Variants in PCDH15 observed in about 807,000 individuals in gnomAD.
PCDH15 encodes the protein protocadherin related 15.
Under a neutral mutation model 178.5 loss-of-function variants are expected in PCDH15, and 129 were observed. The ratio of observed to expected loss-of-function variants is 0.72; its 90% CI spans 0.63 to 0.84. PCDH15 has a LOEUF of 0.84. Ranked by LOEUF, PCDH15 falls within the 40% of genes least tolerant of loss-of-function variation. The pLI is 0.00. For missense variants in PCDH15, 2,230 were observed against 2,099.9 expected (o/e 1.06, Z -1.21); for synonymous variants, 800 against 732.0 (o/e 1.09, Z -1.50).
chr10:54,253,591 A>C lies in PCDH15; in HGVS notation c.877-16660T>G, dbSNP rs551229726. On this transcript the variant is annotated intron_variant, in intron 8 of 37. Coordinates refer to ENST00000644397, the MANE Select transcript of PCDH15 (RefSeq NM_001384140.1). ...GTTTCATTTACAGAACAAATTCTGA[A>C]CTTTGTCTCTGATATAAATTATGTT... Among the ~76,000 whole-genome samples the C allele has an allele frequency of 2.3e-3, 347 of 152,246 alleles. 1 individual carries two copies. The highest frequency in any genetic ancestry group is 8.1e-3 in the African/African-American group (337 of 41,590).
intron 6 of PCDH15, among the ~76,000 whole-genome samples, chr10:54,339,278 G>T (rs2891518): frequency 0.07 from 10,712 of 152,052 alleles, 487 homozygotes; most frequent in African/African-American, 0.12. Context: ...GTGGCTCAGG[G>T]AAGCCAAAAG....
chr10:55,556,170 T>C (rs1842087772), intron 2 of PCDH15, among the ~76,000 whole-genome samples: 1 of 152,144 alleles, frequency 6.6e-6, no homozygotes, highest in South Asian at 2.1e-4. Flanking sequence ...CTAGTGGTGT[T>C]TATAATTACA....
At chr10:55,355,259 G>T (rs1845046145) in intron 2 of PCDH15, among the ~76,000 whole-genome samples, 2 of 151,970 alleles carry the variant, frequency 1.3e-5, no homozygotes, top group African/African-American at 4.8e-5. Flanking sequence ...CATTTCTCTA[G>T]ATAAAGTAAA....
chr10:55,521,987 CA>C (rs1490208723), intron 2 of PCDH15, among the ~76,000 whole-genome samples: 1 of 151,876 alleles, frequency 6.6e-6, no homozygotes, highest in Non-Finnish European at 1.5e-5. Context: ...CTACTGAATG[CA>C]TATTGAATTC....
At chr10:54,812,525 C>A (rs1308414385) in intron 3 of PCDH15, among the ~76,000 whole-genome samples, 1 of 152,078 alleles carries the variant, frequency 6.6e-6, no homozygotes, top group Non-Finnish European at 1.5e-5. Flanking sequence ...GTGGCGCGAT[C>A]TCAGCTCACT....
chr10:54,240,693 G>A (rs1214088402), intron 8 of PCDH15, among the ~76,000 whole-genome samples: 5 of 141,236 alleles, frequency 3.5e-5, no homozygotes, highest in Admixed American at 1.5e-4. Flanking sequence ...GTGCAGTGGC[G>A]CGATCCCGGC....
At chr10:55,600,435 G>A (rs1450977288) in intron 2 of PCDH15, among the ~76,000 whole-genome samples, 4 of 151,904 alleles carry the variant, frequency 2.6e-5, no homozygotes, top group Admixed American at 1.3e-4. Context: ...AACTAAGACC[G>A]CACTAGTGTA....
intron 2 of PCDH15, among the ~76,000 whole-genome samples, chr10:55,553,208 T>TA (rs777507518): frequency 0.058 from 8,025 of 138,230 alleles, 272 homozygotes; most frequent in Middle Eastern, 0.14. Context: ...GCTAGGTTAA[T>TA]AAAAAAAAAA....
intron 2 of PCDH15, among the ~76,000 whole-genome samples, chr10:54,966,072 C>G (rs1838780654): frequency 6.6e-6 from 1 of 151,710 alleles, no homozygotes; most frequent in Non-Finnish European, 1.5e-5. Flanking sequence ...ATATAAATCA[C>G]TAATCATACA....
chr10:55,535,189 A>G, intron 2 of PCDH15, among the ~76,000 whole-genome samples: 1 of 152,118 alleles, frequency 6.6e-6, no homozygotes, highest in Non-Finnish European at 1.5e-5. Context: ...AATTTTGAAA[A>G]AAATAAAATA....
rs536181801 is a variant in PCDH15, at chr10:54,059,475, A to G, written c.2220+7282T>C. Among the ~76,000 whole-genome samples, 47 of 152,282 alleles carry G rather than the reference A, an allele frequency of 3.1e-4. No homozygotes were observed. The South Asian group carries it at 4.4e-3, about 14-fold the overall frequency. On this transcript the variant is annotated intron_variant, in intron 18 of 37. Transcript: ENST00000644397. ...TTTTATATTTTTCCTCTAACACATA[A>G]TATTTCTTTATCTCCCTTTTCCTTT...
intron 23 of PCDH15, 77 bp downstream of exon 23, chr10:53,959,655 T>C (rs558706621): frequency 1.4e-5 from 15 of 1,077,636 alleles, no homozygotes; most frequent in Admixed American, 1.4e-4. Flanking sequence ...AAATTCATAT[T>C]ACATCAATTT....
intron 3 of PCDH15, among the ~76,000 whole-genome samples, chr10:54,475,179 A>G (rs2078192517): frequency 6.6e-6 from 1 of 152,002 alleles, no homozygotes; most frequent in Non-Finnish European, 1.5e-5. Context: ...GCCACGATTA[A>G]GTGGCTGTGA....
intron 11 of PCDH15, among the ~76,000 whole-genome samples, chr10:54,194,650 C>CTCTATCTA (rs58429895): frequency 0.12 from 17,214 of 147,838 alleles, 1,173 homozygotes; most frequent in East Asian, 0.32. Flanking sequence ...GTGTATATAT[C>CTCTATCTA]TCTATCTATC....
At chr10:53,826,068 G>T (rs1417460701) in intron 32 of PCDH15, among the ~76,000 whole-genome samples, 2 of 151,342 alleles carry the variant, frequency 1.3e-5, no homozygotes, top group Non-Finnish European at 1.5e-5. Flanking sequence ...AAAGATCTTT[G>T]CTTGAGAGAG....
At chr10:54,434,157 C>T (rs185246580) in intron 3 of PCDH15, among the ~76,000 whole-genome samples, 2 of 152,026 alleles carry the variant, frequency 1.3e-5, no homozygotes, top group Admixed American at 1.3e-4. Flanking sequence ...ACAATGTGTG[C>T]CTTAAGCTAA....
At chr10:55,291,723 G>A (rs905429111) in intron 1 of PCDH15, among the ~76,000 whole-genome samples, 1 of 152,126 alleles carries the variant, frequency 6.6e-6, no homozygotes, top group South Asian at 2.1e-4. Flanking sequence ...TACACTGCTG[G>A]TAAAGACATA....
At chr10:54,442,110 C>T (rs576136470) in intron 3 of PCDH15, among the ~76,000 whole-genome samples, 1 of 151,286 alleles carries the variant, frequency 6.6e-6, no homozygotes, top group Non-Finnish European at 1.5e-5. Flanking sequence ...TATTTTCCTG[C>T]ATGTCTGCTT....
chr10:54,929,897 T>C (rs1378281454), intron 2 of PCDH15, among the ~76,000 whole-genome samples: 3 of 152,122 alleles, frequency 2.0e-5, no homozygotes, highest in Non-Finnish European at 4.4e-5. Flanking sequence ...AACATATGAG[T>C]TAAAAATAAA....
Sources: allele counts gnomAD v4.1 joint callset (sites outside exome capture counted in the v4.1 genomes callset), GRCh38; gene constraint gnomAD v4.1.1; transcripts MANE v1.5; gene names NCBI Gene and HGNC (gene_info 2026-07-23, HGNC 2026-07-21).